Variants in PTPRM observed in about 807,000 individuals in gnomAD.
The protein encoded by PTPRM is receptor-type tyrosine-protein phosphatase mu.
Under a neutral mutation model 186.7 loss-of-function variants are expected in PTPRM, and 47 were observed. The ratio of observed to expected loss-of-function variants is 0.25; its 90% CI spans 0.20 to 0.32. The LOEUF is 0.32. Ranked by LOEUF, PTPRM falls within the 10% of genes least tolerant of loss-of-function variation. The probability of loss-of-function intolerance (pLI) is 1.00; values close to 1 mark genes in which losing one functional copy is unlikely to be tolerated. For missense variants in PTPRM, 1,494 were observed against 1,865.0 expected (o/e 0.80, Z 3.66); for synonymous variants, 668 against 674.9 (o/e 0.99, Z 0.16).
chr18:7,771,695 G>T (rs1168555610), intron 1 of PTPRM, among the ~76,000 whole-genome samples: 2 of 152,184 alleles, frequency 1.3e-5, no homozygotes, highest in Non-Finnish European at 2.9e-5. Context: ...AATCTAGAAA[G>T]CTGGGACAGA....
At chr18:8,263,071 T>C (rs78770556) in intron 19 of PTPRM, among the ~76,000 whole-genome samples, 1 of 152,086 alleles carries the variant, frequency 6.6e-6, no homozygotes, top group Non-Finnish European at 1.5e-5. Flanking sequence ...CATTTGGTCA[T>C]TTTACTTATT....
chr18:8,323,367 A>G (rs1047664539), intron 22 of PTPRM, among the ~76,000 whole-genome samples: 2 of 152,054 alleles, frequency 1.3e-5, no homozygotes, highest in African/African-American at 4.8e-5. Flanking sequence ...TCACCCCCCA[A>G]AACCATATGG....
intron 19 of PTPRM, among the ~76,000 whole-genome samples, chr18:8,289,561 CACATATATATATATACATATATATAT>C (rs1568675080): frequency 2.6e-4 from 20 of 76,862 alleles, no homozygotes; most frequent in African/African-American, 7.2e-4. Context: ...CATATATATA[CACATATATATATATACATATATATAT>C]ACACATATAT....
At chr18:7,804,672 A>G (rs2044146511) in intron 2 of PTPRM, among the ~76,000 whole-genome samples, 1 of 152,218 alleles carries the variant, frequency 6.6e-6, no homozygotes. Context: ...GGCTTTTGGT[A>G]ATTGACATCA....
intron 14 of PTPRM, among the ~76,000 whole-genome samples, chr18:8,174,245 G>A (rs1001634381): frequency 2.6e-5 from 4 of 152,064 alleles, no homozygotes; most frequent in African/African-American, 9.7e-5. Flanking sequence ...GCTTTACAAA[G>A]GTGGTTTAGT....
chr18:8,128,647 T>G (rs2092430483), intron 13 of PTPRM, among the ~76,000 whole-genome samples: 2 of 152,124 alleles, frequency 1.3e-5, no homozygotes, highest in Non-Finnish European at 2.9e-5. Flanking sequence ...AAGAAAATGG[T>G]GAGAGGATAC....
At chr18:7,681,030 A>G (rs1339238569) in intron 1 of PTPRM, among the ~76,000 whole-genome samples, 1 of 152,200 alleles carries the variant, frequency 6.6e-6, no homozygotes, top group Non-Finnish European at 1.5e-5. Flanking sequence ...GTGGGTGAAC[A>G]GTGCGTAGGT....
At chr18:8,398,820 A>G (rs549705271) in intron 32 of PTPRM, among the ~76,000 whole-genome samples, 59 of 151,700 alleles carry the variant, frequency 3.9e-4, no homozygotes, top group Middle Eastern at 3.4e-3. Context: ...CACATATTCT[A>G]TGACTCCTTG....
intron 3 of PTPRM, among the ~76,000 whole-genome samples, chr18:7,889,117 T>C (rs904347824): frequency 6.6e-6 from 1 of 152,042 alleles, no homozygotes; most frequent in African/African-American, 2.4e-5. Flanking sequence ...GCAATTTAAA[T>C]AAATGAATAA....
intron 7 of PTPRM, among the ~76,000 whole-genome samples, chr18:8,035,873 T>C (rs549960208): frequency 6.6e-6 from 1 of 152,324 alleles, no homozygotes; most frequent in East Asian, 1.9e-4. Context: ...CCCTGTTTTT[T>C]AAAAATTGAG....
At chr18:8,243,226 C>G (rs1274693185) in intron 14 of PTPRM, among the ~76,000 whole-genome samples, 1 of 152,118 alleles carries the variant, frequency 6.6e-6, no homozygotes, top group Non-Finnish European at 1.5e-5. Flanking sequence ...GATGCAGAGG[C>G]CAGGATTAAC....
chr18:7,646,950 G>A (rs536958449), intron 1 of PTPRM, among the ~76,000 whole-genome samples: 38 of 152,178 alleles, frequency 2.5e-4, no homozygotes, highest in African/African-American at 8.7e-4. Context: ...AGAATGGCAC[G>A]GACAAGGAGA....
At chr18:8,209,603 G>A (rs1277962194) in intron 14 of PTPRM, among the ~76,000 whole-genome samples, 1 of 152,098 alleles carries the variant, frequency 6.6e-6, no homozygotes, top group African/African-American at 2.4e-5. Flanking sequence ...AGATGTTGAA[G>A]TCCTAACCCC....
At chr18:7,938,263 C>A (rs1336077620) in intron 5 of PTPRM, among the ~76,000 whole-genome samples, 1 of 152,178 alleles carries the variant, frequency 6.6e-6, no homozygotes, top group Non-Finnish European at 1.5e-5. Context: ...CCTCCTTTAT[C>A]TTACATCTTT....
At chr18:7,885,781 A>G (rs1372911421) in intron 2 of PTPRM, among the ~76,000 whole-genome samples, 1 of 152,178 alleles carries the variant, frequency 6.6e-6, no homozygotes, top group Non-Finnish European at 1.5e-5. Context: ...AGAGTGTAAG[A>G]GCATTTCATG....
At chr18:7,670,272 G>A (rs921242241) in intron 1 of PTPRM, among the ~76,000 whole-genome samples, 1 of 152,074 alleles carries the variant, frequency 6.6e-6, no homozygotes, top group Non-Finnish European at 1.5e-5. Flanking sequence ...GTAGCCACAT[G>A]TGGCTGATAA....
chr18:8,235,476 T>TTTTTTTTTTTTTTTTTTTTTTTTTG (rs1481569126), intron 14 of PTPRM, among the ~76,000 whole-genome samples: 2 of 136,770 alleles, frequency 1.5e-5, no homozygotes, highest in African/African-American at 2.7e-5. Context: ...TTTTTTTTTT[T>TTTTTTTTTTTTTTTTTTTTTTTTTG]TTTAGCCTGG....
intron 1 of PTPRM, among the ~76,000 whole-genome samples, chr18:7,590,467 C>A (rs1412157751): frequency 1.3e-5 from 2 of 151,920 alleles, no homozygotes; most frequent in Non-Finnish European, 2.9e-5. Context: ...GAACTTTTTC[C>A]AAATATGATA....
intron 2 of PTPRM, among the ~76,000 whole-genome samples, chr18:7,866,132 C>A (rs1341085155): frequency 1.3e-5 from 2 of 152,070 alleles, no homozygotes; most frequent in East Asian, 1.9e-4. Context: ...TTTCAAAAAA[C>A]CACCTCCTGG....
Sources: gnomAD v4.1 joint callset for allele counts (sites outside exome capture counted in the v4.1 genomes callset) on GRCh38, gnomAD v4.1.1 for gene constraint, MANE v1.5 for transcripts, NCBI Gene and HGNC (gene_info 2026-07-23, HGNC 2026-07-21) for gene names.